Variants in SMYD3 observed in about 807,000 individuals in gnomAD.
SMYD3 encodes the protein histone-lysine N-methyltransferase SMYD3.
In SMYD3, 36 loss-of-function variants were observed where a neutral mutation model predicts 57.7. The ratio of observed to expected loss-of-function variants is 0.62; its 90% confidence interval spans 0.48 to 0.82. SMYD3 has a LOEUF of 0.82. Ranked by LOEUF, SMYD3 falls within the 40% of genes least tolerant of loss-of-function variation. The probability of loss-of-function intolerance (pLI) is 0.00; values close to 1 mark genes in which losing one functional copy is unlikely to be tolerated. For missense variants in SMYD3, 515 were observed against 538.8 expected (o/e 0.96, Z 0.44); for synonymous variants, 211 against 195.0 (o/e 1.08, Z -0.68).
intron 5 of SMYD3, among the ~76,000 whole-genome samples, chr1:246,091,450 A>C: frequency 6.6e-6 from 1 of 150,864 alleles, no homozygotes; most frequent in African/African-American, 2.4e-5. Context: ...CTATAGAGAG[A>C]GAGCTGGTTT....
chr1:245,985,640 T>C (rs1362747432), intron 5 of SMYD3, among the ~76,000 whole-genome samples: 2 of 152,212 alleles, frequency 1.3e-5, no homozygotes, highest in Non-Finnish European at 2.9e-5. Flanking sequence ...AACATCATAA[T>C]ACTTGGTTCT....
intron 1 of SMYD3, among the ~76,000 whole-genome samples, chr1:246,460,129 GCAAA>G (rs1035548529): frequency 5.9e-5 from 9 of 152,032 alleles, no homozygotes; most frequent in African/African-American, 2.2e-4. Context: ...TCTATTTCCT[GCAAA>G]CAAACAAATT....
intron 1 of SMYD3, among the ~76,000 whole-genome samples, chr1:246,495,095 A>G (rs1288153439): frequency 2.0e-5 from 3 of 152,166 alleles, no homozygotes; most frequent in African/African-American, 7.2e-5. Flanking sequence ...CACGCCTGTA[A>G]TCCCAGCACT....
At chr1:246,429,754 T>G (rs190970564) in intron 1 of SMYD3, among the ~76,000 whole-genome samples, 219 of 152,244 alleles carry the variant, frequency 1.4e-3, no homozygotes, top group Non-Finnish European at 2.6e-3. Flanking sequence ...CAAGGGAAAA[T>G]GTCTTAACTC....
intron 5 of SMYD3, among the ~76,000 whole-genome samples, chr1:245,978,102 C>G (rs1214810674): frequency 2.0e-5 from 3 of 152,176 alleles, no homozygotes; most frequent in African/African-American, 7.2e-5. Context: ...TTTGTAGGAG[C>G]TGAGTGAACA....
intron 5 of SMYD3, among the ~76,000 whole-genome samples, chr1:246,030,882 G>A (rs939973210): frequency 7.2e-5 from 11 of 152,018 alleles, no homozygotes; most frequent in Admixed American, 2.0e-4. Flanking sequence ...ACAATGTTAC[G>A]TAAATCCCAA....
At chr1:246,451,487 A>T (rs566323992) in intron 1 of SMYD3, among the ~76,000 whole-genome samples, 2 of 152,306 alleles carry the variant, frequency 1.3e-5, no homozygotes, top group South Asian at 4.2e-4. Context: ...CTGGGGAGGG[A>T]AGGGATGAAT....
chr1:245,881,769 G>T (rs1199512328), intron 8 of SMYD3, among the ~76,000 whole-genome samples: 1 of 152,210 alleles, frequency 6.6e-6, no homozygotes, highest in Non-Finnish European at 1.5e-5. Flanking sequence ...TTTTCATAGG[G>T]TAGTCAAGGA....
At chr1:245,791,952 T>TTGTGTGTGTGTG (rs59018021) in intron 10 of SMYD3, among the ~76,000 whole-genome samples, 4,252 of 146,176 alleles carry the variant, frequency 0.029, 82 homozygotes, top group East Asian at 0.062. Context: ...AATTTTAAAC[T>TTGTGTGTGTGTG]TGTGTGTGTG....
intron 5 of SMYD3, among the ~76,000 whole-genome samples, chr1:246,205,458 G>A (rs373757400): frequency 3.3e-5 from 5 of 152,284 alleles, no homozygotes; most frequent in African/African-American, 1.2e-4. Context: ...GAGGGACAGT[G>A]TTCACTCTCA....
chr1:245,762,553 C>T (rs755183474), intron 11 of SMYD3, among the ~76,000 whole-genome samples: 5 of 152,164 alleles, frequency 3.3e-5, no homozygotes, highest in Admixed American at 6.5e-5. Context: ...CTGCAACAGA[C>T]GGTGCGGTGT....
chr1:246,448,728 A>AAAAAAG (rs59949545), intron 1 of SMYD3, among the ~76,000 whole-genome samples: 1 of 148,248 alleles, frequency 6.7e-6, no homozygotes, highest in African/African-American at 2.5e-5. Context: ...AAAAAAAAAA[A>AAAAAAG]GGACAAAATG....
chr1:245,878,138 T>A (rs2052587830), intron 8 of SMYD3, among the ~76,000 whole-genome samples: 2 of 152,032 alleles, frequency 1.3e-5, no homozygotes, highest in Non-Finnish European at 1.5e-5. Context: ...AGAGCGTGCT[T>A]TGGGGAGTGA....
At chr1:246,038,509 C>A (rs936531346) in intron 5 of SMYD3, among the ~76,000 whole-genome samples, 1 of 152,216 alleles carries the variant, frequency 6.6e-6, no homozygotes, top group Non-Finnish European at 1.5e-5. Flanking sequence ...TACCTATCCA[C>A]ATGTGCCTCG....
chr1:246,294,677 C>G (rs949184464), intron 5 of SMYD3, among the ~76,000 whole-genome samples: 8 of 152,056 alleles, frequency 5.3e-5, no homozygotes, highest in Non-Finnish European at 1.0e-4. Context: ...CGGCTCACTG[C>G]AACCTCCACC....
intron 5 of SMYD3, chr1:246,193,737 A>G (rs1274336897): frequency 1.6e-5 from 2 of 122,754 alleles, no homozygotes; most frequent in Non-Finnish European, 2.0e-5. Context: ...CAGCAGCACA[A>G]CAGCACACTT....
Position 246,355,091 on chromosome 1 carries a change from C to T in SMYD3, c.168G>A (p.Lys56=), listed in dbSNP as rs2148705706. ...ACTGAGAGCATCGCATCAGCTTTTC[C>T]TTCCTGTGGGGAAAAAAATTAATTC... ...GVVCDRCLLG[K]EKLMRCSQCR... The change falls in exon 2 of 12, where the codon AAG becomes AAA. Residue 56 remains lysine, a synonymous_variant. Transcript: ENST00000490107. The surrounding 1 kb of genome is among the most constrained non-coding windows in gnomAD (Gnocchi z 5.0). 1 of 1,614,100 alleles carries T rather than the reference C, an allele frequency of 6.2e-7. No homozygotes were observed.
At chr1:246,008,026 G>C (rs1368229548) in intron 5 of SMYD3, among the ~76,000 whole-genome samples, 2 of 152,140 alleles carry the variant, frequency 1.3e-5, no homozygotes, top group African/African-American at 4.8e-5. Flanking sequence ...CCTACCATAG[G>C]GGCTTCAACA....
At chr1:245,794,544 A>G (rs2047441154) in intron 10 of SMYD3, among the ~76,000 whole-genome samples, 1 of 152,210 alleles carries the variant, frequency 6.6e-6, no homozygotes, top group Non-Finnish European at 1.5e-5. Context: ...ACTTGGGGGT[A>G]TGCTTTGAAT....
Sources: allele counts gnomAD v4.1 joint callset (sites outside exome capture counted in the v4.1 genomes callset), GRCh38; gene constraint gnomAD v4.1.1; non-coding constraint Gnocchi (gnomAD v3.1); transcripts MANE v1.5; gene names NCBI Gene and HGNC (gene_info 2026-07-23, HGNC 2026-07-21).